Variants in GARIN1B observed in about 807,000 individuals in gnomAD.
The protein encoded by GARIN1B is Golgi-associated RAB2 interactor protein 1B.
the GARIN1B span, chr7:128,723,371 G>C: frequency 1.9e-6 from 3 of 1,584,748 alleles, no homozygotes; most frequent in Non-Finnish European, 2.6e-6. Context: ...CAACCCAGAT[G>C]GTCTGGGCTG....
the GARIN1B span, chr7:128,729,923 A>G: frequency 6.2e-7 from 1 of 1,613,952 alleles, no homozygotes. Flanking sequence ...TCCCGTGAAG[A>G]CAGCATCCCT....
the GARIN1B span, chr7:128,709,242 A>G: frequency 6.6e-6 from 1 of 152,176 alleles, no homozygotes; most frequent in Non-Finnish European, 1.5e-5. Context: ...TTAAGTCACA[A>G]TACTTTGGGG....
chr7:128,721,105 TTTTCA>T, the GARIN1B span, among the ~76,000 whole-genome samples: 1 of 152,212 alleles, frequency 6.6e-6, no homozygotes, highest in South Asian at 2.1e-4. Flanking sequence ...ATGGAATGTC[TTTTCA>T]TTTATTTCAA....
the GARIN1B span, chr7:128,730,996 T>G: frequency 9.6e-7 from 1 of 1,043,848 alleles, no homozygotes; most frequent in Non-Finnish European, 1.5e-6. Flanking sequence ...CTATTATAGA[T>G]AGTTGACAAT....
At chr7:128,716,964 G>A in the GARIN1B span, 2 of 1,613,474 alleles carry the variant, frequency 1.2e-6, no homozygotes, top group Non-Finnish European at 8.5e-7. Context: ...ACATGGAACA[G>A]ACCATCCATA....
At chr7:128,718,292 C>G in the GARIN1B span, among the ~76,000 whole-genome samples, 1 of 151,974 alleles carries the variant, frequency 6.6e-6, no homozygotes, top group Admixed American at 6.6e-5. Flanking sequence ...ATTAGACGGG[C>G]CTGGTGGCAC....
At chr7:128,713,898 T>G in the GARIN1B span, 1 of 1,168,492 alleles carries the variant, frequency 8.6e-7, no homozygotes, top group Non-Finnish European at 1.2e-6. Context: ...TTACTACGCT[T>G]TTGTGCTGTG....
chr7:128,713,995 C>A, the GARIN1B span: 2 of 1,530,008 alleles, frequency 1.3e-6, no homozygotes, highest in Admixed American at 3.9e-5. Flanking sequence ...ACCATGAAGA[C>A]ACTTTTCCTA....
chr7:128,729,995 C>T, the GARIN1B span: 1 of 1,614,160 alleles, frequency 6.2e-7, no homozygotes, highest in South Asian at 1.1e-5. Flanking sequence ...AGAGAGAACC[C>T]CTCCGGCCTG....
the GARIN1B span, chr7:128,716,679 C>G: frequency 1.5e-6 from 1 of 651,916 alleles, no homozygotes; most frequent in Non-Finnish European, 2.5e-6. Flanking sequence ...CTTTAGTGTG[C>G]AGGGCAGTAT....
chr7:128,718,434 GAAAA>G, the GARIN1B span, among the ~76,000 whole-genome samples: 4 of 117,966 alleles, frequency 3.4e-5, no homozygotes, highest in African/African-American at 1.2e-4. Context: ...CTTTGCCTCA[GAAAA>G]AAAAAAAAAA....
the GARIN1B span, among the ~76,000 whole-genome samples, chr7:128,710,548 G>C: frequency 1.3e-5 from 2 of 151,988 alleles, no homozygotes; most frequent in African/African-American, 2.4e-5. Context: ...ATTTATCCCA[G>C]CTTTATTGTG....
At chr7:128,721,502 C>T in the GARIN1B span, among the ~76,000 whole-genome samples, 9 of 151,192 alleles carry the variant, frequency 6.0e-5, no homozygotes, top group African/African-American at 2.0e-4. Context: ...GGATCTTCTA[C>T]ATACACACAC....
chr7:128,709,493 T>C, the GARIN1B span, among the ~76,000 whole-genome samples: 1 of 152,232 alleles, frequency 6.6e-6, no homozygotes, highest in African/African-American at 2.4e-5. Context: ...TGAATGAATT[T>C]TAAGCCATTT....
chr7:128,716,001 G>A, the GARIN1B span, among the ~76,000 whole-genome samples: 3 of 152,164 alleles, frequency 2.0e-5, no homozygotes, highest in South Asian at 6.2e-4. Flanking sequence ...GAACAAAGAG[G>A]CAGTAAAAAG....
At chr7:128,717,012 T>C in the GARIN1B span, 3 of 1,593,924 alleles carry the variant, frequency 1.9e-6, no homozygotes, top group Admixed American at 5.1e-5. Context: ...GCAATGCAGA[T>C]GAGAATGGAG....
the GARIN1B span, among the ~76,000 whole-genome samples, chr7:128,727,934 T>TCAGG: frequency 6.6e-6 from 1 of 152,200 alleles, no homozygotes; most frequent in Non-Finnish European, 1.5e-5. Context: ...TTCTCAATTA[T>TCAGG]CCACAGCATG....
At chr7:128,718,910 A>G in the GARIN1B span, 2 of 1,614,090 alleles carry the variant, frequency 1.2e-6, no homozygotes, top group Non-Finnish European at 1.7e-6. Flanking sequence ...AGTCACTGAG[A>G]AGATTTATTA....
chr7:128,727,302 C>T, the GARIN1B span, among the ~76,000 whole-genome samples: 5 of 152,142 alleles, frequency 3.3e-5, no homozygotes, highest in Admixed American at 6.5e-5. Context: ...GGGAAAATCC[C>T]CGAATTACAA....
Sources: allele counts gnomAD v4.1 joint callset (sites outside exome capture counted in the v4.1 genomes callset), GRCh38; gene constraint gnomAD v4.1.1; transcripts MANE v1.5; gene names NCBI Gene and HGNC (gene_info 2026-07-23, HGNC 2026-07-21).